Variants in TFDP2 observed in about 807,000 individuals in gnomAD.
The protein encoded by TFDP2 is transcription factor Dp-2 (E2F dimerization partner 2).
TFDP2 carries 17 observed loss-of-function variants against 59.3 expected under a neutral mutation model. The ratio of observed to expected loss-of-function variants is 0.29; its 90% CI spans 0.20 to 0.43. The LOEUF is 0.43. TFDP2 is among the 20% of genes least tolerant of loss of function. The probability of loss-of-function intolerance (pLI) is 1.00; values close to 1 mark genes in which losing one functional copy is unlikely to be tolerated. For missense variants in TFDP2, 391 were observed against 528.8 expected (o/e 0.74, Z 2.56); for synonymous variants, 180 against 194.7 (o/e 0.92, Z 0.63).
intron 2 of TFDP2, among the ~76,000 whole-genome samples, chr3:142,101,048 T>G (rs1450194479): frequency 1.3e-5 from 2 of 152,178 alleles, no homozygotes; most frequent in Non-Finnish European, 2.9e-5. Flanking sequence ...AATTAGACTT[T>G]AATACATATA....
intron 1 of TFDP2, among the ~76,000 whole-genome samples, chr3:142,132,572 C>T (rs2062557274): frequency 6.7e-6 from 1 of 148,886 alleles, no homozygotes; most frequent in African/African-American, 2.6e-5. Context: ...AATGAAACCC[C>T]GTCTCTAGAA....
In TFDP2 at chr3:141,963,957, C is replaced by T. The variant is rs376975635; in HGVS notation, c.739G>A (p.Ala247Thr). Residue 247 changes from alanine (A) to threonine (T), a missense_variant, in exon 10 of 13, where the codon GCT becomes ACT. Around this residue, in one of 3 missense-constraint regions of TFDP2, gnomAD observed 223 missense variants for 292.5 expected, o/e 0.76. Transcript: ENST00000489671. ...TTTCTCTGTACCAGGTTTTTGAAAG[C>T]GATTTGCTGTAATGATCAATAAAAA... ...QLQELLLQQI[A>T]FKNLVQRNRQ... is the part of the protein sequence containing the mutation. 42 of 1,612,506 alleles carry T rather than the reference C, an allele frequency of 2.6e-5. No homozygotes were observed. The highest frequency in any genetic ancestry group is 3.5e-5 in the Non-Finnish European group (41 of 1,179,638).
intron 3 of TFDP2, among the ~76,000 whole-genome samples, chr3:142,065,407 C>T (rs1357492526): frequency 6.6e-6 from 1 of 152,012 alleles, no homozygotes; most frequent in African/African-American, 2.4e-5. Flanking sequence ...CTACCCTCCT[C>T]GGCCTCCCAA....
chr3:142,005,409 G>T, intron 4 of TFDP2, 32 bp downstream of exon 4: 1 of 1,493,250 alleles, frequency 6.7e-7, no homozygotes, highest in Non-Finnish European at 9.3e-7. Flanking sequence ...GCTAAACAAA[G>T]TTTCAATTCT....
intron 3 of TFDP2, among the ~76,000 whole-genome samples, chr3:142,067,606 T>C (rs1014027754): frequency 2.0e-5 from 3 of 152,144 alleles, no homozygotes; most frequent in African/African-American, 7.2e-5. Context: ...TACTTTGTAG[T>C]TATCAAAAAA....
chr3:142,142,347 C>T (rs2062990315), intron 1 of TFDP2, among the ~76,000 whole-genome samples: 1 of 152,140 alleles, frequency 6.6e-6, no homozygotes, highest in African/African-American at 2.4e-5. Context: ...AAAGTAACTC[C>T]ATTTACAACA....
chr3:142,133,450 C>A (rs2062591947), intron 1 of TFDP2, among the ~76,000 whole-genome samples: 2 of 149,916 alleles, frequency 1.3e-5, no homozygotes, highest in Admixed American at 6.6e-5. Context: ...AAACCTCCTG[C>A]CTCCCTCAGC....
chr3:141,956,593 C>A (rs1421232237), intron 11 of TFDP2, among the ~76,000 whole-genome samples: 1 of 151,788 alleles, frequency 6.6e-6, no homozygotes, highest in Non-Finnish European at 1.5e-5. Context: ...CTGAGGAAGA[C>A]ATACAAATAG....
intron 3 of TFDP2, among the ~76,000 whole-genome samples, chr3:142,010,567 C>T (rs1273855735): frequency 4.3e-5 from 6 of 138,384 alleles, no homozygotes; most frequent in African/African-American, 1.6e-4. Flanking sequence ...CAAGATCGCG[C>T]TAATGAACTC....
intron 3 of TFDP2, among the ~76,000 whole-genome samples, chr3:142,075,559 C>CA (rs2060414470): frequency 6.6e-6 from 1 of 151,958 alleles, no homozygotes; most frequent in African/African-American, 2.4e-5. Flanking sequence ...AAGTACAACT[C>CA]TGTTAGTCCC....
chr3:142,001,713 A>T (rs1576651075), intron 4 of TFDP2, among the ~76,000 whole-genome samples: 1 of 152,146 alleles, frequency 6.6e-6, no homozygotes, highest in Non-Finnish European at 1.5e-5. Flanking sequence ...TTTACTATAA[A>T]CAGCCAAGAG....
intron 3 of TFDP2, among the ~76,000 whole-genome samples, chr3:142,056,203 C>T (rs9865413): frequency 0.75 from 113,216 of 150,952 alleles, 42,481 homozygotes; most frequent in South Asian, 0.82. Context: ...CTGCCCACCT[C>T]GGCCTCCCAA....
chr3:141,997,849 CAAAAAAAA>C (rs3058569), intron 4 of TFDP2, among the ~76,000 whole-genome samples: 1,321 of 84,048 alleles, frequency 0.016, 16 homozygotes, highest in Middle Eastern at 0.074. Flanking sequence ...GACTCCATCT[CAAAAAAAA>C]AAAAAAAAAA....
chr3:142,064,523 A>C (rs2060013825), intron 3 of TFDP2, among the ~76,000 whole-genome samples: 1 of 152,232 alleles, frequency 6.6e-6, no homozygotes, highest in African/African-American at 2.4e-5. Flanking sequence ...ATTATTACTC[A>C]AGTGCCTACT....
At chr3:141,983,793 A>C (rs907546629) in intron 6 of TFDP2, among the ~76,000 whole-genome samples, 1 of 152,214 alleles carries the variant, frequency 6.6e-6, no homozygotes, top group Non-Finnish European at 1.5e-5. Flanking sequence ...TATTAAAAAA[A>C]CAAAAACTGA....
chr3:142,107,135 T>C (rs924339017), intron 1 of TFDP2, among the ~76,000 whole-genome samples: 6 of 152,168 alleles, frequency 3.9e-5, no homozygotes, highest in Non-Finnish European at 7.4e-5. Flanking sequence ...CAGAAGCAAC[T>C]ACAATAACTT....
intron 1 of TFDP2, among the ~76,000 whole-genome samples, chr3:142,146,373 A>G (rs1399778209): frequency 6.6e-6 from 1 of 152,204 alleles, no homozygotes; most frequent in African/African-American, 2.4e-5. Context: ...GCCACAACCC[A>G]TTCTAAATGA....
At chr3:141,992,760 G>A (rs1322355801) in intron 6 of TFDP2, among the ~76,000 whole-genome samples, 3 of 152,154 alleles carry the variant, frequency 2.0e-5, no homozygotes, top group Non-Finnish European at 4.4e-5. Context: ...TATTCCCATG[G>A]TTCTCACTCA....
intron 3 of TFDP2, among the ~76,000 whole-genome samples, chr3:142,088,338 C>CTT (rs1421258151): frequency 3.4e-5 from 5 of 145,532 alleles, no homozygotes; most frequent in African/African-American, 7.6e-5. Flanking sequence ...TCTTTTTTCT[C>CTT]TTTTTTTTTT....
Sources: gnomAD v4.1 joint callset for allele counts (sites outside exome capture counted in the v4.1 genomes callset) on GRCh38, gnomAD v4.1.1 for gene constraint, gnomAD v4.1.1 regional missense constraint, MANE v1.5 for transcripts, NCBI Gene and HGNC (gene_info 2026-07-23, HGNC 2026-07-21) for gene names.